Variants in ATG13 observed in about 807,000 individuals in gnomAD.
ATG13 encodes the protein autophagy-related protein 13.
A neutral mutation model predicts 65.5 loss-of-function variants in ATG13; 23 were observed. The observed-to-expected ratio is 0.35, with a 90% confidence interval of 0.25 to 0.50. The LOEUF (loss-of-function observed/expected upper bound fraction) is 0.50, where lower values mean the gene tolerates loss of function less well. ATG13 is among the 20% of genes least tolerant of loss of function. The pLI, the probability that ATG13 is intolerant of heterozygous loss-of-function variation, is 0.98. For synonymous variants in ATG13, 252 were observed against 245.2 expected (o/e 1.03, Z -0.26); for missense variants, 566 against 677.0 (o/e 0.84, Z 1.82).
chr11:46,649,541 A>G (rs1251429554), intron 6 of ATG13, among the ~76,000 whole-genome samples: 9 of 152,228 alleles, frequency 5.9e-5, no homozygotes, highest in Non-Finnish European at 1.5e-5. Flanking sequence ...CAGCCATCCA[A>G]TAAGATTTCC....
At chr11:46,631,472 G>A (rs1282904588) in intron 2 of ATG13, among the ~76,000 whole-genome samples, 2 of 152,224 alleles carry the variant, frequency 1.3e-5, no homozygotes, top group Non-Finnish European at 2.9e-5. Flanking sequence ...CACTTAAGTA[G>A]TGTGATAGAA....
chr11:46,633,003 A>AAATAT (rs1261200980), intron 2 of ATG13, among the ~76,000 whole-genome samples: 2 of 89,144 alleles, frequency 2.2e-5, no homozygotes, highest in African/African-American at 8.3e-5. Flanking sequence ...ATTAAAAAAA[A>AAATAT]ATATATATAT....
At chr11:46,640,281 G>T (rs1407976555) in intron 2 of ATG13, among the ~76,000 whole-genome samples, 2 of 152,188 alleles carry the variant, frequency 1.3e-5, no homozygotes, top group African/African-American at 2.4e-5. Flanking sequence ...TTTCTGTCCA[G>T]AATTCTTGTT....
intron 10 of ATG13, among the ~76,000 whole-genome samples, chr11:46,658,183 A>G (rs1200377264): frequency 6.6e-6 from 1 of 152,232 alleles, no homozygotes; most frequent in Non-Finnish European, 1.5e-5. Context: ...ACCATCTGGC[A>G]CATTAGTTTC....
Position 46,672,626 on chromosome 11 carries a change from T to C in ATG13, c.*294T>C. The C allele has an allele frequency of 7.1e-7, 1 of 1,408,396 alleles. No individual in the cohort carries two copies. Among genetic ancestry groups the C allele is most frequent in the African/African-American group, 1.4e-5 (1 of 70,220 alleles). The allele number at this position is 1,408,396 out of a possible 1,614,324, so 87.2% of individuals were successfully genotyped here. A position where few individuals can be genotyped will look rare whatever the true frequency, so the allele number is the denominator to read the frequency against. ...TCTGTGTGCCCTGCCCATCACCAACTGCTTCCCAAGGGTGTCATCCTGTTC... is the reference window on the plus strand; with the variant it reads ...TCTGTGTGCCCTGCCCATCACCAACCGCTTCCCAAGGGTGTCATCCTGTTC... On this transcript the variant is annotated 3_prime_UTR_variant, in exon 19 of 19. Coordinates refer to ENST00000683050, the MANE Select transcript of ATG13 (RefSeq NM_001346311.2).
In ATG13 at chr11:46,662,681, A is replaced by G. The variant is rs1408606791; in HGVS notation, c.790-1316A>G. Among the ~76,000 whole-genome samples the G allele has an allele frequency of 2.6e-5, 4 of 152,240 alleles. No individual in the cohort carries two copies. In the South Asian group the frequency reaches 6.2e-4, roughly 24 times the overall value. The stretch of plus-strand genomic sequence containing the variant: ...AATTTTGAACCTAATTTCTCTTGGC[A>G]GTAGAGAGACAGTCATTTGCTATCA... On this transcript the variant is annotated intron_variant, in intron 11 of 18. Transcript: ENST00000683050.
chr11:46,644,407 C>T (rs372562738), intron 3 of ATG13, 47 bp downstream of exon 3: 13 of 1,484,858 alleles, frequency 8.8e-6, no homozygotes, highest in East Asian at 4.6e-5. Flanking sequence ...AAATAACTTC[C>T]GTGCTTCTCC....
intron 11 of ATG13, among the ~76,000 whole-genome samples, chr11:46,662,650 A>G (rs927664066): frequency 6.6e-6 from 1 of 152,248 alleles, no homozygotes; most frequent in African/African-American, 2.4e-5. Context: ...TGGTACAAAA[A>G]TACTCAATTT....
Position 46,668,748 on chromosome 11 carries a change from A to G in ATG13, c.1330-46A>G, listed in dbSNP as rs747976685. On this transcript the variant is annotated intron_variant, in intron 16 of 18. Transcript: ENST00000683050. ...TTTCAGATTGTTTACAGTAACTTGA[A>G]TCTGGGTCACAGCATCAGCCCTAAT... The G allele has an allele frequency of 3.2e-6, 5 of 1,540,102 alleles. No homozygotes were observed. The South Asian group carries it at 4.5e-5, about 14-fold the overall frequency.
chr11:46,658,569 C>G (rs577736311), intron 10 of ATG13, among the ~76,000 whole-genome samples: 1 of 148,546 alleles, frequency 6.7e-6, no homozygotes, highest in Non-Finnish European at 1.5e-5. Context: ...GATTTTCACT[C>G]TTGTTGTCCA....
chr11:46,622,461 G>T (rs1003838259), intron 1 of ATG13, among the ~76,000 whole-genome samples: 3 of 151,972 alleles, frequency 2.0e-5, no homozygotes, highest in Non-Finnish European at 4.4e-5. Context: ...TTGTTTAAAA[G>T]TGAAAAAAAT....
chr11:46,654,175 G>C (rs1412203368), intron 7 of ATG13, among the ~76,000 whole-genome samples: 1 of 150,172 alleles, frequency 6.7e-6, no homozygotes, highest in African/African-American at 2.4e-5. Context: ...GCTCACACCT[G>C]TAATCCCAGC....
chr11:46,624,532 G>C (rs1317221928), intron 1 of ATG13, among the ~76,000 whole-genome samples: 3 of 151,384 alleles, frequency 2.0e-5, no homozygotes, highest in Non-Finnish European at 4.4e-5. Flanking sequence ...TTTTTGAAGA[G>C]TGACGAGCCC....
In ATG13 at chr11:46,672,337, A is replaced by G. The variant is rs376030412; in HGVS notation, c.*5A>G. On this transcript the variant is annotated 3_prime_UTR_variant, in exon 19 of 19. Transcript: ENST00000683050. Reference sequence around the variant, plus strand: ...TTTGTGGAAACCCTGCAGTAAAAGTATCCTTGAGTCCCAGCAGCACCCCCT... The same window carrying G: ...TTTGTGGAAACCCTGCAGTAAAAGTGTCCTTGAGTCCCAGCAGCACCCCCT... The G allele has an allele frequency of 4.3e-6, 7 of 1,614,088 alleles. No individual in the cohort carries two copies. Among genetic ancestry groups the G allele is most frequent in the Non-Finnish European group, 5.9e-6 (7 of 1,180,032 alleles).
intron 2 of ATG13, among the ~76,000 whole-genome samples, chr11:46,642,717 A>G (rs930667994): frequency 3.3e-5 from 5 of 152,264 alleles, no homozygotes; most frequent in South Asian, 4.1e-4. Context: ...TTCATACTCA[A>G]AAGTGTTCTG....
At chr11:46,636,449 TCAGGAGACTGAGG>T (rs1260527947) in intron 2 of ATG13, among the ~76,000 whole-genome samples, 2 of 149,816 alleles carry the variant, frequency 1.3e-5, no homozygotes, top group African/African-American at 2.5e-5. Flanking sequence ...TCCCAGCTAC[TCAGGAGACTGAGG>T]CAGGAGAATG....
Position 46,659,472 on chromosome 11 carries a change from C to T in ATG13, c.776C>T (p.Ser259Phe). ...GTGTGTACCACCTCTTTTTCCACCT[C>T]CCCACCATCCCAGGTAGGGGGAAGC... is the stretch of plus-strand genomic sequence containing the variant. Reference protein sequence around the residue: ...QEVCTTSFSTSPPSQCVFTVT... With the variant: ...QEVCTTSFSTFPPSQCVFTVT... Residue 259 changes from serine to phenylalanine, a missense_variant, in exon 11 of 19, where the codon TCC (serine) becomes TTC (phenylalanine). By Grantham distance (155) the Ser-to-Phe change is radical (BLOSUM62 -2). This residue lies in a region of ATG13 where 387 missense variants were observed against 409.8 expected (regional missense o/e 0.94). Transcript: ENST00000683050. 6.2e-7 allele frequency: 1 copy of T among 1,613,452 alleles called. No homozygotes were observed. Among genetic ancestry groups the T allele is most frequent in the South Asian group, 1.1e-5 (1 of 91,064 alleles).
At chr11:46,645,277 G>A (rs2057228260) in intron 3 of ATG13, 62 bp from the exon 4 acceptor site, 1 of 1,455,178 alleles carries the variant, frequency 6.9e-7, no homozygotes, top group Non-Finnish European at 9.5e-7. Flanking sequence ...CTGATCGGGA[G>A]CCAGATTAGT....
chr11:46,670,813 A>AAAAC (rs2063548446), intron 18 of ATG13, among the ~76,000 whole-genome samples: 1 of 152,136 alleles, frequency 6.6e-6, no homozygotes, highest in Non-Finnish European at 1.5e-5. Context: ...CCCTGTCTCA[A>AAAAC]AAACAAATAA....
Sources: allele counts gnomAD v4.1 joint callset (sites outside exome capture counted in the v4.1 genomes callset), GRCh38; gene constraint gnomAD v4.1.1; regional missense constraint gnomAD v4.1.1; transcripts MANE v1.5; gene names NCBI Gene and HGNC (gene_info 2026-07-23, HGNC 2026-07-21).